Variants in PCDHA7 observed in about 807,000 individuals in gnomAD.
PCDHA7 encodes the protein protocadherin alpha-7.
Under a neutral mutation model 57.2 loss-of-function variants are expected in PCDHA7, and 37 were observed. The observed-to-expected ratio is 0.65, with a 90% CI of 0.50 to 0.85. The LOEUF (loss-of-function observed/expected upper bound fraction) is 0.85. PCDHA7 is among the 40% of genes least tolerant of loss of function. The probability of loss-of-function intolerance (pLI) is 0.00; values close to 1 mark genes in which losing one functional copy is unlikely to be tolerated. For missense variants in PCDHA7, 1,188 were observed against 1,241.8 expected (o/e 0.96, Z 0.65); for synonymous variants, 553 against 558.8 (o/e 0.99, Z 0.15).
At chr5:140,838,287 T>TTTTTC (rs2150287312) in intron 1 of PCDHA7, among the ~76,000 whole-genome samples, 2,227 of 150,168 alleles carry the variant, frequency 0.015, 86 homozygotes, top group African/African-American at 0.051. Flanking sequence ...CTAATTTTTT[T>TTTTTC]TTTTTTTTGT....
chr5:140,915,615 A>C (rs948306385), intron 1 of PCDHA7, among the ~76,000 whole-genome samples: 5 of 142,332 alleles, frequency 3.5e-5, no homozygotes, highest in Admixed American at 7.1e-5. Flanking sequence ...TCTGTCAAAC[A>C]GTCTCTTTCT....
At chr5:140,968,592 C>G (rs1554230905) in intron 1 of PCDHA7, 1 of 1,614,208 alleles carries the variant, frequency 6.2e-7, no homozygotes, top group African/African-American at 1.3e-5. Flanking sequence ...AAAGTCATAG[C>G]TATGGACTCA....
intron 1 of PCDHA7, among the ~76,000 whole-genome samples, chr5:140,925,206 G>C (rs576558414): frequency 6.6e-6 from 1 of 152,116 alleles, no homozygotes; most frequent in African/African-American, 2.4e-5. Context: ...AATAATTATC[G>C]ATACTTTTAG....
At chr5:140,855,488 C>T (rs569322371) in intron 1 of PCDHA7, among the ~76,000 whole-genome samples, 1 of 149,546 alleles carries the variant, frequency 6.7e-6, no homozygotes. Flanking sequence ...ACATTAGTGT[C>T]TAAATAAACC....
intron 1 of PCDHA7, among the ~76,000 whole-genome samples, chr5:140,888,562 G>C (rs781854673): frequency 9.2e-5 from 14 of 152,112 alleles, no homozygotes; most frequent in Non-Finnish European, 1.8e-4. Context: ...TCCTTTCAAG[G>C]CTTCATTTTA....
At chr5:140,840,678 T>G (rs1381034670) in intron 1 of PCDHA7, among the ~76,000 whole-genome samples, 1 of 152,018 alleles carries the variant, frequency 6.6e-6, no homozygotes, top group Non-Finnish European at 1.5e-5. Context: ...TTTTATTACT[T>G]TAGTAAATAA....
chr5:140,848,422 G>C, intron 1 of PCDHA7: 1 of 1,425,074 alleles, frequency 7.0e-7, no homozygotes, highest in Middle Eastern at 1.8e-4. Flanking sequence ...AGCAGAATGG[G>C]ACTGACGAAA....
rs1004548473 is a variant in PCDHA7 at position 141,011,507 on chromosome 5, G to T, written c.*1570G>T. Reference sequence around the variant, plus strand: ...CCTTTTGTACACCTGTGAAAAAGTGGAGTAGTGTTTTTTTAACCATTGTTA... The same window carrying T: ...CCTTTTGTACACCTGTGAAAAAGTGTAGTAGTGTTTTTTTAACCATTGTTA... On this transcript the variant is annotated 3_prime_UTR_variant, in exon 4 of 4. Transcript: ENST00000525929. 5.2e-5 allele frequency: 8 copies of T among 153,740 alleles called. No individual in the cohort carries two copies. The highest frequency in any genetic ancestry group is 1.9e-4 in the African/African-American group (8 of 41,440). The allele number at this position is 153,740 out of a possible 1,614,324, so 9.5% of individuals were successfully genotyped here. A position where few individuals can be genotyped will look rare whatever the true frequency, so the allele number is the denominator to read the frequency against.
At chr5:141,001,985 GAAGTTC>G in intron 3 of PCDHA7, among the ~76,000 whole-genome samples, 1 of 152,312 alleles carries the variant, frequency 6.6e-6, no homozygotes, top group Admixed American at 6.5e-5. Context: ...GGAAAGCCTG[GAAGTTC>G]ACTTGCAAAC....
chr5:140,999,044 T>TTTC (rs1247197667), intron 3 of PCDHA7, among the ~76,000 whole-genome samples: 1 of 152,342 alleles, frequency 6.6e-6, no homozygotes, highest in East Asian at 1.9e-4. Flanking sequence ...TCCAGTGTGC[T>TTTC]TTCCACCATG....
intron 1 of PCDHA7, among the ~76,000 whole-genome samples, chr5:140,922,827 A>G (rs2081011863): frequency 1.3e-5 from 2 of 152,244 alleles, no homozygotes; most frequent in South Asian, 4.1e-4. Context: ...GCATACTGCT[A>G]ATAGATGTCC....
Position 140,846,625 on chromosome 5 carries a change from C to T in PCDHA7, c.2355+9887C>T, listed in dbSNP as rs2150393112. 1.6e-3 allele frequency among the ~76,000 whole-genome samples: 241 copies of T among 149,122 alleles called. 15 individuals are homozygous for T. Among genetic ancestry groups the T allele is most frequent in the African/African-American group, 5.6e-3 (229 of 40,752 alleles). On this transcript the variant is annotated intron_variant, in intron 1 of 3. Coordinates refer to ENST00000525929, the MANE Select transcript of PCDHA7 (RefSeq NM_018910.3). ...TCCTGACCTCCTGATCCGCCCACTT[C>T]GGCCTCCTAAAGTGCTGGGATTACA...
At chr5:140,992,914 C>T (rs1383362253) in intron 3 of PCDHA7, among the ~76,000 whole-genome samples, 1 of 152,220 alleles carries the variant, frequency 6.6e-6, no homozygotes, top group African/African-American at 2.4e-5. Context: ...CTTAGGCCCT[C>T]TCCATACTTA....
chr5:140,954,895 A>G (rs782412576), intron 1 of PCDHA7, among the ~76,000 whole-genome samples: 66 of 152,096 alleles, frequency 4.3e-4, no homozygotes, highest in African/African-American at 1.4e-3. Context: ...TAGGGTTTTT[A>G]TAGTTTCATA....
chr5:140,855,039 TG>T lies in PCDHA7; in HGVS notation c.2355+18302del, dbSNP rs1451069015. ...AAACTTCTTGTATAAAGGATTTTTC[TG>T]TAATAGTACTTTTCTGTTTTCTTAA... On this transcript the variant is annotated intron_variant, in intron 1 of 3. Transcript: ENST00000525929. Among the ~76,000 whole-genome samples, 12 of 150,016 alleles carry T rather than the reference TG, an allele frequency of 8.0e-5. 1 individual carries two copies. Among genetic ancestry groups the T allele is most frequent in the African/African-American group, 2.9e-4 (12 of 40,938 alleles).
intron 1 of PCDHA7, 119 bp from the exon 2 acceptor site, chr5:140,978,830 C>A: frequency 1.3e-6 from 2 of 1,535,340 alleles, no homozygotes; most frequent in Non-Finnish European, 1.8e-6. Context: ...TGAAATGGCT[C>A]ATTCAATACT....
At chr5:140,927,720 G>C (rs782475238) in intron 1 of PCDHA7, 8 of 1,614,056 alleles carry the variant, frequency 5.0e-6, no homozygotes, top group Non-Finnish European at 6.8e-6. Flanking sequence ...GCAACAGCAC[G>C]CAAGCAGAGC....
chr5:140,851,183 C>A, intron 1 of PCDHA7: 2 of 1,240,836 alleles, frequency 1.6e-6, no homozygotes, highest in Non-Finnish European at 1.0e-6. Context: ...ACTTGAAAAC[C>A]AATTTAGTTG....
At chr5:140,987,893 G>A (rs571929057) in intron 3 of PCDHA7, among the ~76,000 whole-genome samples, 82 of 152,138 alleles carry the variant, frequency 5.4e-4, no homozygotes, top group Admixed American at 1.5e-3. Context: ...ATGTGCCCTA[G>A]TTTTATATGG....
Sources: allele counts gnomAD v4.1 joint callset (sites outside exome capture counted in the v4.1 genomes callset), GRCh38; gene constraint gnomAD v4.1.1; transcripts MANE v1.5; gene names NCBI Gene and HGNC (gene_info 2026-07-23, HGNC 2026-07-21).